Variants in CRBN observed in about 807,000 individuals in gnomAD.
The protein encoded by CRBN is cereblon.
A neutral mutation model predicts 62.2 loss-of-function variants in CRBN; 53 were observed. The ratio of observed to expected loss-of-function variants is 0.85; its 90% CI spans 0.68 to 1.07. The LOEUF is 1.07. Ranked by LOEUF, CRBN falls within the 50% of genes least tolerant of loss-of-function variation. The pLI is 0.00. For synonymous variants in CRBN, 208 were observed against 176.1 expected, an observed-to-expected ratio of 1.18 and a Z score of -1.43; for missense variants, 616 against 531.1, an observed-to-expected ratio of 1.16 and a Z score of -1.57.
intron 7 of CRBN, 22 bp from the exon 8 acceptor site, chr3:3,154,097 G>C: frequency 6.9e-7 from 1 of 1,442,242 alleles, no homozygotes; most frequent in Non-Finnish European, 9.8e-7. Flanking sequence ...GGTTTTTCAA[G>C]TTTTAAACTT....
At chr3:3,149,897 A>C (rs568112829), downstream of CRBN, 1 of 152,308 alleles carries the variant, frequency 6.6e-6, no homozygotes, top group African/African-American at 2.4e-5. Flanking sequence ...ACAAATGTGG[A>C]AGGAAGGACC....
chr3:3,152,515 A>G lies in CRBN; in HGVS notation c.1089T>C (p.Tyr363=). The part of the protein sequence containing the change: ...HGYVHETLTV[Y]KACNLNLIGR... ...CTATCAGATTCAAGTTGCAAGCCTTATACACAGTAAGTGTCTCATGCACAT... is the reference window on the plus strand; with the variant it reads ...CTATCAGATTCAAGTTGCAAGCCTTGTACACAGTAAGTGTCTCATGCACAT... The change falls in exon 10 of 11, where the codon TAT becomes TAC. Residue 363 remains tyrosine, a synonymous_variant. Transcript: ENST00000231948. The G allele has an allele frequency of 1.9e-6, 3 of 1,614,120 alleles. No individual in the cohort carries two copies. Among genetic ancestry groups the G allele is most frequent in the Non-Finnish European group, 2.5e-6 (3 of 1,179,990 alleles).
At chr3:3,167,852 T>A in intron 4 of CRBN, 59 bp from the exon 5 acceptor site, 1 of 1,527,584 alleles carries the variant, frequency 6.5e-7, no homozygotes, top group Non-Finnish European at 9.1e-7. Context: ...CTCAAAACTA[T>A]AAGTTTCTAA....
intron 1 of CRBN, among the ~76,000 whole-genome samples, chr3:3,175,612 C>T (rs956617224): frequency 6.6e-6 from 1 of 152,196 alleles, no homozygotes; most frequent in Non-Finnish European, 1.5e-5. Context: ...TGGTACATTA[C>T]TCTAACTAAG....
At chr3:3,166,385 G>A (rs996160948) in intron 5 of CRBN, among the ~76,000 whole-genome samples, 1 of 152,162 alleles carries the variant, frequency 6.6e-6, no homozygotes, top group Non-Finnish European at 1.5e-5. Flanking sequence ...CCCCAGCCAT[G>A]TGGAACTTTA....
intron 5 of CRBN, 42 bp downstream of exon 5, chr3:3,167,592 T>G: frequency 6.3e-7 from 1 of 1,582,804 alleles, no homozygotes; most frequent in Non-Finnish European, 8.7e-7. Flanking sequence ...AAAAACAACC[T>G]GTCTTCATTT....
chr3:3,172,434 G>A (rs944536339), intron 4 of CRBN: 6 of 311,360 alleles, frequency 1.9e-5, no homozygotes, highest in Non-Finnish European at 3.7e-5. Flanking sequence ...TCCTAAAGAA[G>A]CCAAATCCCA....
chr3:3,168,887 T>C (rs1224426398), intron 4 of CRBN, among the ~76,000 whole-genome samples: 3 of 152,100 alleles, frequency 2.0e-5, no homozygotes, highest in Admixed American at 2.0e-4. Flanking sequence ...AAAATTTTAC[T>C]ATAGTCAAAT....
intron 4 of CRBN, among the ~76,000 whole-genome samples, chr3:3,171,282 T>C (rs899342408): frequency 1.3e-5 from 2 of 152,314 alleles, no homozygotes; most frequent in South Asian, 2.1e-4. Context: ...TATAAAAGTA[T>C]TCACAAATAA....
chr3:3,166,870 C>T (rs1707371757), intron 5 of CRBN, among the ~76,000 whole-genome samples: 1 of 151,718 alleles, frequency 6.6e-6, no homozygotes, highest in Non-Finnish European at 1.5e-5. Context: ...TAAATCCTCA[C>T]CACTCAACAA....
At chr3:3,169,134 T>C (rs1175770692) in intron 4 of CRBN, among the ~76,000 whole-genome samples, 3 of 152,228 alleles carry the variant, frequency 2.0e-5, no homozygotes, top group Admixed American at 6.5e-5. Context: ...AGTAACATTA[T>C]TGATCCCCTG....
rs118020485 is a variant in CRBN, at chr3:3,156,537, A to G, written c.688-256T>C. ...TCAAACATTAAAATTTCAATGCTGA[A>G]GACAACTTTGGGAAGATAAATGTTG... On this transcript the variant is annotated intron_variant, in intron 5 of 10. Transcript: ENST00000231948. 1.8e-3 allele frequency: 901 copies of G among 499,870 alleles called. 17 individuals are homozygous for G. In the East Asian group the frequency reaches 0.032, roughly 18 times the overall value. 31.0% of individuals were successfully genotyped at this position (499,870 alleles called of 1,614,324 possible).
intron 8 of CRBN, 77 bp from the exon 9 acceptor site, chr3:3,153,565 G>T (rs1429743275): frequency 2.4e-6 from 2 of 837,934 alleles, no homozygotes; most frequent in Admixed American, 3.4e-5. Flanking sequence ...AGATCATCAA[G>T]AAACTTACTT....
rs147511326 is a variant in CRBN, at chr3:3,162,928, C to A, written c.687+4706G>T. On this transcript the variant is annotated intron_variant, in intron 5 of 10. Coordinates refer to ENST00000231948, the MANE Select transcript of CRBN (RefSeq NM_016302.4). ...ATCTGTCTAAAGACAAACACTGTTA[C>A]ATAATCCAGCCCTCATGGTAAGCTA... is the stretch of plus-strand genomic sequence containing the variant. Among the ~76,000 whole-genome samples, 829 of 152,314 alleles carry A rather than the reference C, an allele frequency of 5.4e-3. 6 individuals carry two copies. The highest frequency in any genetic ancestry group is 9.7e-3 in the Non-Finnish European group (658 of 68,022).
intron 6 of CRBN, chr3:3,155,793 A>G (rs1308325776): frequency 1.2e-5 from 2 of 160,958 alleles, no homozygotes; most frequent in Admixed American, 1.2e-4. Context: ...ATAAAACTCT[A>G]AAGAGTCTTG....
At chr3:3,162,347 G>A (rs78136851) in intron 5 of CRBN, among the ~76,000 whole-genome samples, 2,913 of 151,892 alleles carry the variant, frequency 0.019, 86 homozygotes, top group African/African-American at 0.066. Flanking sequence ...TTACTGTAGG[G>A]GGATTCTCAA....
rs1317421968 is a variant in CRBN, at chr3:3,150,283, A to ACTGCATAT, written c.*574_*581dup. 6.5e-6 allele frequency: 1 copy of ACTGCATAT among 152,790 alleles called. No individual in the cohort carries two copies. The allele number at this position is 152,790 out of a possible 1,614,324, so 9.5% of individuals were successfully genotyped here. A position where few individuals can be genotyped will look rare whatever the true frequency, so the allele number is the denominator to read the frequency against. The stretch of plus-strand genomic sequence containing the variant: ...TGACAACTATTCGTGGGCTCAAAAA[A>ACTGCATAT]CTGCATATTTTAACTAATTTTCAAA... On this transcript the variant is annotated 3_prime_UTR_variant, in exon 11 of 11. Coordinates refer to ENST00000231948, the MANE Select transcript of CRBN (RefSeq NM_016302.4).
chr3:3,158,512 A>G (rs887510672), intron 5 of CRBN, among the ~76,000 whole-genome samples: 1 of 152,200 alleles, frequency 6.6e-6, no homozygotes, highest in African/African-American at 2.4e-5. Context: ...TTTAAGACTA[A>G]ATACCTAATG....
chr3:3,165,369 T>A (rs1707289701), intron 5 of CRBN, among the ~76,000 whole-genome samples: 1 of 152,176 alleles, frequency 6.6e-6, no homozygotes, highest in Non-Finnish European at 1.5e-5. Context: ...CAGCGCCGCA[T>A]GCTAAAGAGG....
Sources: gnomAD v4.1 joint callset for allele counts (sites outside exome capture counted in the v4.1 genomes callset) on GRCh38, gnomAD v4.1.1 for gene constraint, MANE v1.5 for transcripts, NCBI Gene and HGNC (gene_info 2026-07-23, HGNC 2026-07-21) for gene names.